Variants in TOP6BL observed in about 807,000 individuals in gnomAD.
TOP6BL encodes the protein type 2 DNA topoisomerase 6 subunit B-like.
chr11:66,805,986 TAAA>T, the TOP6BL span, among the ~76,000 whole-genome samples: 6 of 152,232 alleles, frequency 3.9e-5, no homozygotes, highest in Admixed American at 2.0e-4. Flanking sequence ...ATTTAGGAGA[TAAA>T]GAAGATGAGT....
At chr11:66,781,710 A>C in the TOP6BL span, among the ~76,000 whole-genome samples, 1 of 151,862 alleles carries the variant, frequency 6.6e-6, no homozygotes, top group African/African-American at 2.4e-5. Flanking sequence ...GCTAATTTTT[A>C]AATTTTTTTG....
chr11:66,837,368 C>A, the TOP6BL span, among the ~76,000 whole-genome samples: 29 of 152,086 alleles, frequency 1.9e-4, no homozygotes, highest in African/African-American at 6.5e-4. Context: ...ACGTCATGAT[C>A]CGCCTGCCTC....
chr11:66,765,919 A>AT, the TOP6BL span, among the ~76,000 whole-genome samples: 1 of 152,232 alleles, frequency 6.6e-6, no homozygotes, highest in Non-Finnish European at 1.5e-5. Context: ...TTTATGCACC[A>AT]TTAATTATGC....
the TOP6BL span, among the ~76,000 whole-genome samples, chr11:66,765,175 T>TTATTATTATTTATTA: frequency 6.6e-6 from 1 of 152,246 alleles, no homozygotes; most frequent in Admixed American, 6.5e-5. Context: ...TTATTATCAT[T>TTATTATTATTTATTA]GTTACTCTTA....
At chr11:66,804,313 A>G in the TOP6BL span, 8 of 902,990 alleles carry the variant, frequency 8.9e-6, no homozygotes, top group African/African-American at 5.1e-5. Context: ...GTATAAAAAC[A>G]TATAATCTAA....
chr11:66,762,267 C>T, the TOP6BL span: 2 of 512,104 alleles, frequency 3.9e-6, no homozygotes, highest in Non-Finnish European at 3.5e-6. Context: ...GCAAACTGAG[C>T]AGCCTGAAGG....
chr11:66,780,753 T>C, the TOP6BL span, among the ~76,000 whole-genome samples: 2 of 152,026 alleles, frequency 1.3e-5, no homozygotes, highest in African/African-American at 4.8e-5. Flanking sequence ...GGCTAATTTT[T>C]TGATTTTTAG....
the TOP6BL span, among the ~76,000 whole-genome samples, chr11:66,790,169 T>C: frequency 1.3e-5 from 2 of 151,944 alleles, no homozygotes; most frequent in Non-Finnish European, 1.5e-5. Context: ...CTCTGGAGGC[T>C]GAGGCAGGAG....
At chr11:66,815,148 C>T in the TOP6BL span, among the ~76,000 whole-genome samples, 2 of 152,144 alleles carry the variant, frequency 1.3e-5, no homozygotes, top group Non-Finnish European at 2.9e-5. Flanking sequence ...TAGACTCCAC[C>T]GATTTCGAAT....
chr11:66,804,346 T>G, the TOP6BL span, among the ~76,000 whole-genome samples: 1 of 152,174 alleles, frequency 6.6e-6, no homozygotes, highest in Non-Finnish European at 1.5e-5. Context: ...GCTTGAAAAT[T>G]TTGCCAGGGA....
At chr11:66,776,198 A>G in the TOP6BL span, among the ~76,000 whole-genome samples, 1 of 151,700 alleles carries the variant, frequency 6.6e-6, no homozygotes, top group East Asian at 2.0e-4. Context: ...AGCTGAGACT[A>G]CAGGCATGCA....
chr11:66,839,896 G>C, the TOP6BL span, among the ~76,000 whole-genome samples: 1 of 152,124 alleles, frequency 6.6e-6, no homozygotes, highest in Admixed American at 6.5e-5. Flanking sequence ...TGCCCTTCTG[G>C]GGGCAGGGGG....
the TOP6BL span, among the ~76,000 whole-genome samples, chr11:66,778,521 T>C: frequency 1.2e-4 from 19 of 152,054 alleles, no homozygotes; most frequent in Non-Finnish European, 2.6e-4. Flanking sequence ...CAACGCCATA[T>C]TGAAGAGTAA....
At chr11:66,804,596 A>G in the TOP6BL span, among the ~76,000 whole-genome samples, 1 of 152,216 alleles carries the variant, frequency 6.6e-6, no homozygotes, top group Non-Finnish European at 1.5e-5. Context: ...TGGGAGACAG[A>G]AGTTAGTAAT....
At chr11:66,759,126 G>A in the TOP6BL span, 1 of 1,379,296 alleles carries the variant, frequency 7.3e-7, no homozygotes, top group Non-Finnish European at 9.9e-7. Context: ...CCATGAGACT[G>A]AATATCTTCC....
chr11:66,784,884 A>G, the TOP6BL span, among the ~76,000 whole-genome samples: 3,274 of 151,498 alleles, frequency 0.022, 129 homozygotes, highest in East Asian at 0.14. Flanking sequence ...CTAACCATCC[A>G]TAGAGTTTTA....
the TOP6BL span, among the ~76,000 whole-genome samples, chr11:66,821,182 T>G: frequency 6.6e-6 from 1 of 152,224 alleles, no homozygotes; most frequent in Admixed American, 6.5e-5. Context: ...TTTAGCTTGA[T>G]TCTGAGGGCC....
chr11:66,785,134 T>C, the TOP6BL span, among the ~76,000 whole-genome samples: 2 of 151,926 alleles, frequency 1.3e-5, no homozygotes, highest in Non-Finnish European at 2.9e-5. Flanking sequence ...TTTTTAAATA[T>C]TTTTAGTAGA....
At chr11:66,811,973 CTT>C in the TOP6BL span, among the ~76,000 whole-genome samples, 1 of 151,900 alleles carries the variant, frequency 6.6e-6, no homozygotes, top group East Asian at 1.9e-4. Context: ...AGAGAAAACA[CTT>C]TTTAAAATGT....
Sources: allele counts gnomAD v4.1 joint callset (sites outside exome capture counted in the v4.1 genomes callset), GRCh38; gene constraint gnomAD v4.1.1; transcripts MANE v1.5; gene names NCBI Gene and HGNC (gene_info 2026-07-23, HGNC 2026-07-21).